The following SMG1 variants were observed in gnomAD, a reference collection of about 807,000 sequenced individuals.
SMG1 encodes the protein serine/threonine-protein kinase SMG1.
A neutral mutation model predicts 419.9 loss-of-function variants in SMG1; 22 were observed. The ratio of observed to expected loss-of-function variants is 0.05; its 90% confidence interval spans 0.04 to 0.07. SMG1 has a LOEUF of 0.07. Ranked by LOEUF, SMG1 falls within the 10% of genes least tolerant of loss-of-function variation. The probability of loss-of-function intolerance (pLI) is 1.00; values close to 1 mark genes in which losing one functional copy is unlikely to be tolerated. For missense variants in SMG1, 3,185 were observed against 4,342.0 expected (o/e 0.73, Z 7.49); for synonymous variants, 1,538 against 1,553.5 (o/e 0.99, Z 0.23).
At chr16:18,858,000 T>C in intron 29 of SMG1, 170 bp downstream of exon 29, 1 of 461,586 alleles carries the variant, frequency 2.2e-6, no homozygotes, top group Non-Finnish European at 3.8e-6. Context: ...GGGAACCTTC[T>C]GGGGTAAGAC....
intron 1 of SMG1, among the ~76,000 whole-genome samples, chr16:18,923,089 T>G (rs1017130132): frequency 6.6e-6 from 1 of 151,760 alleles, no homozygotes; most frequent in Non-Finnish European, 1.5e-5. Context: ...TCAAAAAAAT[T>G]TACAGAAGAG....
At chr16:18,900,964 T>C (rs2037322006) in intron 1 of SMG1, among the ~76,000 whole-genome samples, 3 of 152,206 alleles carry the variant, frequency 2.0e-5, no homozygotes, top group South Asian at 2.1e-4. Context: ...TATCATTACA[T>C]TAAAAACACT....
At chr16:18,883,692 G>C (rs548075548) in intron 9 of SMG1, among the ~76,000 whole-genome samples, 15 of 152,168 alleles carry the variant, frequency 9.9e-5, no homozygotes, top group African/African-American at 2.4e-5. Context: ...GCCGATGCGG[G>C]TGGATCACCT....
intron 36 of SMG1, 82 bp downstream of exon 36, chr16:18,849,135 T>C (rs1418066700): frequency 1.9e-6 from 1 of 521,910 alleles, no homozygotes; most frequent in Middle Eastern, 5.1e-4. Flanking sequence ...CTCTGGAACA[T>C]AAAGCTTAAA....
At position 18,912,035 on chromosome 16, in the gene SMG1, GGTGCCA is replaced by G. The variant is rs1035036201; in HGVS notation, c.92+13909_92+13914del. 1.8e-4 allele frequency among the ~76,000 whole-genome samples: 27 copies of G among 148,344 alleles called. 1 individual carries two copies. The East Asian group carries it at 5.2e-3, about 29-fold the overall frequency. ...GGTGGAGATTGCAGTGAGCCAAGAT[GGTGCCA>G]ACTGCACTCCAGCCTGGGCAACAGA... On this transcript the variant is annotated intron_variant, in intron 1 of 62. Transcript: ENST00000446231.
intron 33 of SMG1, among the ~76,000 whole-genome samples, chr16:18,850,865 TGCCTCA>T (rs1451071696): frequency 6.6e-6 from 1 of 152,162 alleles, no homozygotes; most frequent in Non-Finnish European, 1.5e-5. Flanking sequence ...GCAATTCTCA[TGCCTCA>T]GCCTCCTAAG....
chr16:18,831,402 G>A (rs923364938), intron 51 of SMG1, among the ~76,000 whole-genome samples: 10 of 152,048 alleles, frequency 6.6e-5, no homozygotes, highest in Non-Finnish European at 1.3e-4. Context: ...GTTACCCAAA[G>A]TACACATTTA....
intron 1 of SMG1, among the ~76,000 whole-genome samples, chr16:18,897,490 C>A (rs534586749): frequency 7.2e-5 from 11 of 152,100 alleles, no homozygotes; most frequent in South Asian, 2.1e-4. Flanking sequence ...GACCCCATTG[C>A]AGATGCCTTA....
At chr16:18,911,792 C>T (rs959351230) in intron 1 of SMG1, 5 of 151,984 alleles carry the variant, frequency 3.3e-5, no homozygotes, top group African/African-American at 1.2e-4. Flanking sequence ...TTAAAATACA[C>T]ACATTCTAGC....
rs1230337082 is a variant in SMG1, at chr16:18,852,141, T to C, written c.4978A>G (p.Thr1660Ala). 17 of 1,613,812 alleles carry C rather than the reference T, an allele frequency of 1.1e-5. No homozygotes were observed. Among genetic ancestry groups the C allele is most frequent in the African/African-American group, 2.7e-5 (2 of 74,916 alleles). ...CTCTCTTTCTCTTCCTCAGTTATAG[T>C]GTCTGGAAGTAGATTCTGAACTTCA... ...KSEVQNLLPD[T>A]ITEEEKERIY... The change falls in exon 33 of 63, where the codon ACT (threonine) becomes GCT (alanine). Residue 1660 changes from threonine (T) to alanine (A), a missense_variant. Physicochemically the swap from Thr to Ala is moderately conservative, Grantham distance 58. This residue lies in a region of SMG1 where 493 missense variants were observed against 552.9 expected (regional missense o/e 0.89). Coordinates refer to ENST00000446231, the MANE Select transcript of SMG1 (RefSeq NM_015092.5).
rs190479189 is a variant in SMG1 at position 18,863,495 on chromosome 16, C to T, written c.3695+155G>A. Among the ~76,000 whole-genome samples, 17 of 152,316 alleles carry T rather than the reference C, an allele frequency of 1.1e-4. 1 individual carries two copies. The highest frequency in any genetic ancestry group is 6.5e-4 in the Admixed American group (10 of 15,294). On this transcript the variant is annotated intron_variant, in intron 25 of 62. Transcript: ENST00000446231. ...CACAAATACCTTCCCTCACCTCTGA[C>T]GTCAGTTTCCTGTTGTCATTTTCAT... is the stretch of plus-strand genomic sequence containing the variant.
intron 38 of SMG1, among the ~76,000 whole-genome samples, chr16:18,847,169 A>T (rs2034315554): frequency 1.3e-5 from 2 of 152,214 alleles, no homozygotes; most frequent in Admixed American, 1.3e-4. Flanking sequence ...GAGGTAGCTA[A>T]AATAGGCAAA....
intron 1 of SMG1, among the ~76,000 whole-genome samples, chr16:18,921,704 TAGTACA>T (rs1350496115): frequency 1.8e-4 from 27 of 152,332 alleles, no homozygotes; most frequent in African/African-American, 5.0e-4. Context: ...ACATCAAACT[TAGTACA>T]GACTGATAAA....
rs1596518336 is a variant in SMG1 at position 18,850,146 on chromosome 16, G to A, written c.5284-20C>T. ...AGGAATCTAAGAGTGAAAGATGAGG[G>A]GAATAAATAAGAAAATAACTCAGAA... On this transcript the variant is annotated intron_variant, in intron 34 of 62. Transcript: ENST00000446231. 1 of 1,602,926 alleles carries A rather than the reference G, an allele frequency of 6.2e-7. No individual in the cohort carries two copies. The highest frequency in any genetic ancestry group is 8.5e-7 in the Non-Finnish European group (1 of 1,174,674).
chr16:18,911,205 T>C (rs1048289024), intron 1 of SMG1, among the ~76,000 whole-genome samples: 1 of 152,122 alleles, frequency 6.6e-6, no homozygotes, highest in Admixed American at 6.5e-5. Context: ...GGGAGTACAC[T>C]AGAAAATGTA....
Position 18,850,459 on chromosome 16 carries a change from A to G in SMG1, c.5061T>C (p.Asp1687=), listed in dbSNP as rs375309158. ...CACTCTCAGTTATCTGAAGTGTTAT[A>G]TCTTCATCCTGAAGAAAAATTGTGC... ...VCRPAGIQDE[D]ITLQITESED... The change falls in exon 34 of 63, where the codon GAT becomes GAC. Residue 1687 remains aspartate, a synonymous_variant. Coordinates refer to ENST00000446231, the MANE Select transcript of SMG1 (RefSeq NM_015092.5). 2.4e-5 allele frequency: 38 copies of G among 1,603,092 alleles called. 1 individual carries two copies. The highest frequency in any genetic ancestry group is 2.3e-4 in the African/African-American group (17 of 74,714).
At chr16:18,903,042 C>T (rs754856661) in intron 1 of SMG1, among the ~76,000 whole-genome samples, 2 of 152,126 alleles carry the variant, frequency 1.3e-5, no homozygotes, top group Non-Finnish European at 2.9e-5. Flanking sequence ...CCAAGCTGGT[C>T]TCGCACTCCT....
chr16:18,885,588 G>C lies in SMG1; in HGVS notation c.901C>G (p.Leu301Val), dbSNP rs1021190697. 8.1e-6 allele frequency: 13 copies of C among 1,596,052 alleles called. No homozygotes were observed. The highest frequency in any genetic ancestry group is 1.0e-5 in the Non-Finnish European group (12 of 1,179,552). ...TGAGGGTAACATCGAGCCACCAAAA[G>C]AATGCACTTAACACATTTACAAAGC... Reference protein sequence around the residue: ...ELLCKCVKCILLVARCYPHIF... With the variant: ...ELLCKCVKCIVLVARCYPHIF... Residue 301 changes from leucine (L) to valine (V), a missense_variant, in exon 7 of 63, where the codon CTT becomes GTT. Leu to Val is a conservative substitution (Grantham distance 32, BLOSUM62 1). Around this residue, in one of 27 missense-constraint regions of SMG1, gnomAD observed 53 missense variants for 56.3 expected, o/e 0.94. Transcript: ENST00000446231.
chr16:18,836,532 C>T lies in SMG1; in HGVS notation c.7605G>A (p.Arg2535=). 2 of 1,612,476 alleles carry T rather than the reference C, an allele frequency of 1.2e-6. No individual in the cohort carries two copies. The highest frequency in any genetic ancestry group is 1.1e-5 in the South Asian group (1 of 90,718). ...VDHPSHTLQH[R]YSEHTQLQTQ... ...TCTGTAGTTGGGTGTGCTCAGAATA[C>T]CTAATCAGGGGGACACAAACAAAAT... Residue 2535 remains arginine (R), a splice_region_variant and synonymous_variant, in exon 47 of 63, where the codon AGG becomes AGA. Coordinates refer to ENST00000446231, the MANE Select transcript of SMG1 (RefSeq NM_015092.5).
Sources: allele counts gnomAD v4.1 joint callset (sites outside exome capture counted in the v4.1 genomes callset), GRCh38; gene constraint gnomAD v4.1.1; regional missense constraint gnomAD v4.1.1; transcripts MANE v1.5; gene names NCBI Gene and HGNC (gene_info 2026-07-23, HGNC 2026-07-21).